ARHGAP15: variants seen among roughly 807,000 people sequenced by gnomAD.
ARHGAP15 encodes Rho GTPase activating protein 15, also known as rho GTPase-activating protein 15.
ARHGAP15 carries 51 observed loss-of-function variants against 63.7 expected under a neutral mutation model. The ratio of observed to expected loss-of-function variants is 0.80; its 90% CI spans 0.64 to 1.01. The LOEUF (loss-of-function observed/expected upper bound fraction) is 1.01, where lower values mean the gene tolerates loss of function less well. Among genes scored for constraint, ARHGAP15 ranks in the 50% least tolerant of loss-of-function variants. The pLI is 0.00. For synonymous variants in ARHGAP15, 191 were observed against 193.8 expected, an observed-to-expected ratio of 0.99 and a Z score of 0.12; for missense variants, 560 against 564.6, an observed-to-expected ratio of 0.99 and a Z score of 0.08.
chr2:143,452,328 C>A (rs1027084968), intron 8 of ARHGAP15, among the ~76,000 whole-genome samples: 5 of 151,902 alleles, frequency 3.3e-5, no homozygotes, highest in Non-Finnish European at 5.9e-5. Flanking sequence ...TGTGTAGGCT[C>A]ATCTTCCCCT....
chr2:143,302,384 A>T (rs1173782914), intron 6 of ARHGAP15, among the ~76,000 whole-genome samples: 1 of 152,042 alleles, frequency 6.6e-6, no homozygotes, highest in Non-Finnish European at 1.5e-5. Flanking sequence ...TCACATAAAA[A>T]ACTATAGCAA....
chr2:143,289,819 C>CA (rs1186197826), intron 6 of ARHGAP15, among the ~76,000 whole-genome samples: 1 of 151,526 alleles, frequency 6.6e-6, no homozygotes, highest in Admixed American at 6.6e-5. Context: ...GAAAAATAAC[C>CA]AAAAAAAGAG....
intron 1 of ARHGAP15, among the ~76,000 whole-genome samples, chr2:143,152,604 A>G (rs1430246527): frequency 6.6e-6 from 1 of 152,012 alleles, no homozygotes; most frequent in East Asian, 1.9e-4. Flanking sequence ...GAAGGGGTAT[A>G]TGTATGTTTT....
intron 9 of ARHGAP15, among the ~76,000 whole-genome samples, chr2:143,504,666 G>A (rs917619520): frequency 6.6e-6 from 1 of 152,188 alleles, no homozygotes; most frequent in African/African-American, 2.4e-5. Flanking sequence ...TCCCTGAAGT[G>A]TGTTGCACAA....
chr2:143,549,615 T>C (rs1335808637), intron 10 of ARHGAP15, among the ~76,000 whole-genome samples: 2 of 152,222 alleles, frequency 1.3e-5, no homozygotes, highest in Admixed American at 1.3e-4. Context: ...TTCTTTATCC[T>C]GCACCAAGGA....
chr2:143,480,816 A>G (rs1692042902), intron 8 of ARHGAP15: 1 of 152,232 alleles, frequency 6.6e-6, no homozygotes, highest in Non-Finnish European at 1.5e-5. Flanking sequence ...AGCAGTATTT[A>G]TTACAGCCCC....
At chr2:143,630,487 C>T (rs190392309) in intron 12 of ARHGAP15, among the ~76,000 whole-genome samples, 28 of 152,176 alleles carry the variant, frequency 1.8e-4, no homozygotes, top group Admixed American at 1.8e-3. Flanking sequence ...CCCTGACCTA[C>T]TCGTGAGAGG....
At chr2:143,521,731 T>C (rs1346070316) in intron 10 of ARHGAP15, among the ~76,000 whole-genome samples, 1 of 152,210 alleles carries the variant, frequency 6.6e-6, no homozygotes, top group African/African-American at 2.4e-5. Flanking sequence ...GGAAATGGTC[T>C]TGATACTCAC....
At chr2:143,539,545 C>T (rs1266757359) in intron 10 of ARHGAP15, among the ~76,000 whole-genome samples, 1 of 151,958 alleles carries the variant, frequency 6.6e-6, no homozygotes, top group Non-Finnish European at 1.5e-5. Flanking sequence ...CTACGCACTG[C>T]TTTGAATGTG....
At chr2:143,610,719 G>GT (rs772989283) in intron 11 of ARHGAP15, among the ~76,000 whole-genome samples, 5 of 150,646 alleles carry the variant, frequency 3.3e-5, no homozygotes, top group African/African-American at 1.2e-4. Flanking sequence ...CTTGTTCAGT[G>GT]TATTTATTTA....
chr2:143,683,427 T>C (rs1410335651), intron 12 of ARHGAP15, among the ~76,000 whole-genome samples: 2 of 140,062 alleles, frequency 1.4e-5, no homozygotes, highest in Non-Finnish European at 3.3e-5. Flanking sequence ...TTAGCAATTC[T>C]GCTTTTGAAA....
intron 6 of ARHGAP15, among the ~76,000 whole-genome samples, chr2:143,335,417 T>C (rs182547953): frequency 2.7e-3 from 407 of 152,268 alleles, no homozygotes; most frequent in African/African-American, 9.2e-3. Flanking sequence ...TCAGAGCGGC[T>C]GATTAGACTA....
At chr2:143,270,076 G>T (rs943428502) in intron 6 of ARHGAP15, among the ~76,000 whole-genome samples, 39 of 152,062 alleles carry the variant, frequency 2.6e-4, no homozygotes, top group African/African-American at 9.2e-4. Flanking sequence ...GGGTTCAAGC[G>T]ATTCTCCTGC....
At chr2:143,479,910 G>C (rs1438884210) in intron 8 of ARHGAP15, among the ~76,000 whole-genome samples, 1 of 151,686 alleles carries the variant, frequency 6.6e-6, no homozygotes, top group Non-Finnish European at 1.5e-5. Flanking sequence ...GCTTATAAAA[G>C]GAAACCAGAT....
intron 3 of ARHGAP15, among the ~76,000 whole-genome samples, chr2:143,203,786 T>C (rs1272403255): frequency 6.6e-6 from 1 of 152,022 alleles, no homozygotes; most frequent in Non-Finnish European, 1.5e-5. Context: ...TCTGTAGGAA[T>C]TTCCTAGGGC....
chr2:143,463,531 A>G (rs1691057296), intron 8 of ARHGAP15, among the ~76,000 whole-genome samples: 1 of 107,352 alleles, frequency 9.3e-6, no homozygotes, highest in South Asian at 3.4e-4. Context: ...CAAGAGCGAA[A>G]CTCCATCTTG....
chr2:143,632,078 A>G (rs887056159), intron 12 of ARHGAP15, among the ~76,000 whole-genome samples: 1 of 152,238 alleles, frequency 6.6e-6, no homozygotes, highest in South Asian at 2.1e-4. Context: ...GGTTTGATAC[A>G]TGTATACAGT....
chr2:143,138,639 T>C (rs1244165193), intron 1 of ARHGAP15, among the ~76,000 whole-genome samples: 1 of 152,098 alleles, frequency 6.6e-6, no homozygotes, highest in African/African-American at 2.4e-5. Context: ...CTTTTTCTGG[T>C]CTCCTCTGGA....
chr2:143,709,602 C>T (rs987191011), intron 13 of ARHGAP15, among the ~76,000 whole-genome samples: 4 of 150,866 alleles, frequency 2.7e-5, no homozygotes, highest in African/African-American at 9.8e-5. Context: ...TTGAATGCCT[C>T]ATTGAAAGTA....
Sources: allele counts gnomAD v4.1 joint callset (sites outside exome capture counted in the v4.1 genomes callset), GRCh38; gene constraint gnomAD v4.1.1; transcripts MANE v1.5; gene names NCBI Gene and HGNC (gene_info 2026-07-23, HGNC 2026-07-21).